APBA1: variants seen among roughly 807,000 people sequenced by gnomAD.
The protein encoded by APBA1 is amyloid beta precursor protein binding family A member 1.
APBA1 carries 55 observed loss-of-function variants against 86.6 expected under a neutral mutation model. The observed-to-expected ratio is 0.64, with a 90% CI of 0.51 to 0.80. The LOEUF is 0.80. Among genes scored for constraint, APBA1 ranks in the 30% least tolerant of loss-of-function variants. APBA1 has a pLI of 0.00. For missense variants in APBA1, 1,090 were observed against 1,183.0 expected (o/e 0.92, Z 1.15); for synonymous variants, 511 against 493.9 (o/e 1.03, Z -0.46).
At chr9:69,590,811 T>C (rs1223570209) in intron 1 of APBA1, among the ~76,000 whole-genome samples, 4 of 152,144 alleles carry the variant, frequency 2.6e-5, no homozygotes. Context: ...CATGGCTGGG[T>C]ACCCAGCAAC....
intron 1 of APBA1, among the ~76,000 whole-genome samples, chr9:69,600,031 C>G (rs913430431): frequency 6.6e-6 from 1 of 152,242 alleles, no homozygotes; most frequent in South Asian, 2.1e-4. Flanking sequence ...GCTGCCCACA[C>G]TAACTTGCTG....
intron 10 of APBA1, among the ~76,000 whole-genome samples, chr9:69,448,895 C>T (rs1834955912): frequency 6.6e-6 from 1 of 152,220 alleles, no homozygotes; most frequent in Middle Eastern, 3.2e-3. Flanking sequence ...CAAAAAACTC[C>T]ACATGAATGC....
chr9:69,476,173 G>C (rs201454890), intron 2 of APBA1, 30 bp from the exon 3 acceptor site: 2 of 1,527,150 alleles, frequency 1.3e-6, no homozygotes, highest in Admixed American at 1.7e-5. Context: ...AACACAGTGA[G>C]AACTTGAGAG....
At chr9:69,618,059 G>A (rs761961696) in intron 1 of APBA1, among the ~76,000 whole-genome samples, 1 of 152,186 alleles carries the variant, frequency 6.6e-6, no homozygotes, top group Non-Finnish European at 1.5e-5. Flanking sequence ...GGAATACTGT[G>A]TAGGAACAGT....
chr9:69,577,326 C>T (rs1389935547), intron 1 of APBA1, among the ~76,000 whole-genome samples: 1 of 152,158 alleles, frequency 6.6e-6, no homozygotes, highest in East Asian at 1.9e-4. Flanking sequence ...GGTGCATAGA[C>T]ATGGCAACAG....
chr9:69,589,440 T>C (rs1822085198), intron 1 of APBA1, among the ~76,000 whole-genome samples: 2 of 152,214 alleles, frequency 1.3e-5, no homozygotes, highest in Non-Finnish European at 2.9e-5. Context: ...AAGGGGTTTC[T>C]GACCCATGGG....
chr9:69,446,239 T>C (rs1427674315), intron 10 of APBA1, among the ~76,000 whole-genome samples: 1 of 152,118 alleles, frequency 6.6e-6, no homozygotes, highest in East Asian at 1.9e-4. Context: ...CTGGCTGTTA[T>C]CAGTGGTTAC....
chr9:69,515,702 G>A (rs1400592922), intron 2 of APBA1, among the ~76,000 whole-genome samples: 2 of 107,566 alleles, frequency 1.9e-5, no homozygotes, highest in African/African-American at 7.4e-5. Flanking sequence ...GGGGGGGGGG[G>A]GGCGGGGGGT....
chr9:69,542,414 T>C (rs1836628553), intron 1 of APBA1, among the ~76,000 whole-genome samples: 1 of 152,262 alleles, frequency 6.6e-6, no homozygotes, highest in African/African-American at 2.4e-5. Flanking sequence ...CTTAGTAATG[T>C]GCATTTAAAA....
chr9:69,560,450 T>C (rs975646825), intron 1 of APBA1, among the ~76,000 whole-genome samples: 29 of 152,166 alleles, frequency 1.9e-4, no homozygotes, highest in Admixed American at 1.4e-3. Context: ...TGGATTTGAA[T>C]CACTGCTTCA....
At chr9:69,442,177 C>A (rs893794597) in intron 10 of APBA1, among the ~76,000 whole-genome samples, 3 of 152,200 alleles carry the variant, frequency 2.0e-5, no homozygotes, top group African/African-American at 7.2e-5. Flanking sequence ...TGTGCCTCAA[C>A]AAACTCCTCA....
intron 1 of APBA1, among the ~76,000 whole-genome samples, chr9:69,536,609 G>A (rs1483781977): frequency 1.3e-5 from 2 of 148,922 alleles, no homozygotes; most frequent in Admixed American, 6.8e-5. Context: ...GCTCATGCCT[G>A]TAATCCCAGC....
chr9:69,516,157 C>T lies in APBA1; in HGVS notation c.1054G>A (p.Asp352Asn), dbSNP rs1836139215. Residue 352 changes from aspartate (D) to asparagine (N), a missense_variant, in exon 2 of 13, where the codon GAC (aspartate) becomes AAC (asparagine). By Grantham distance (23) the Asp-to-Asn change is conservative. Transcript: ENST00000265381. The surrounding 1 kb of genome is among the most constrained non-coding windows in gnomAD (Gnocchi z 7.3). ...KRDAISLAIK[D>N]IKEAIEEVKT... ...ACCTCCTCGATGGCCTCCTTGATGT[C>T]CTTGATGGCCAGCGAGATGGCATCG... 12 of 1,612,330 alleles carry T rather than the reference C, an allele frequency of 7.4e-6. No individual in the cohort carries two copies. Among genetic ancestry groups the T allele is most frequent in the Non-Finnish European group, 1.0e-5 (12 of 1,179,186 alleles).
chr9:69,548,742 C>T (rs1168649997), intron 1 of APBA1, among the ~76,000 whole-genome samples: 1 of 152,192 alleles, frequency 6.6e-6, no homozygotes, highest in African/African-American at 2.4e-5. Flanking sequence ...TCACACATGC[C>T]CTCAGGGCTG....
At chr9:69,545,932 A>T (rs1463786702) in intron 1 of APBA1, among the ~76,000 whole-genome samples, 1 of 152,244 alleles carries the variant, frequency 6.6e-6, no homozygotes, top group Non-Finnish European at 1.5e-5. Flanking sequence ...ACCTCTTCAA[A>T]GAAAGAGGGG....
chr9:69,476,702 T>C (rs1020996832), intron 2 of APBA1, among the ~76,000 whole-genome samples: 1 of 152,210 alleles, frequency 6.6e-6, no homozygotes, highest in Non-Finnish European at 1.5e-5. Flanking sequence ...TCAGAGACAT[T>C]TCAGCATTTT....
Position 69,428,388 on chromosome 9 carries a change from T to C in APBA1, c.*2939A>G, listed in dbSNP as rs1834526109. The C allele has an allele frequency of 1.3e-5, 2 of 152,420 alleles. No individual in the cohort carries two copies. Among genetic ancestry groups the C allele is most frequent in the South Asian group, 4.2e-4 (2 of 4,816 alleles). The allele number at this position is 152,420 out of a possible 1,614,324, so 9.4% of individuals were successfully genotyped here. On this transcript the variant is annotated 3_prime_UTR_variant, in exon 13 of 13. Coordinates refer to ENST00000265381, the MANE Select transcript of APBA1 (RefSeq NM_001163.4). The stretch of plus-strand genomic sequence containing the variant: ...TCGCTGGAGAAGTGGGCTCCAGGCA[T>C]TGGTCTTTGGGGGTTTCTTCCTCTC...
chr9:69,665,036 T>C (rs1419910147), intron 1 of APBA1, among the ~76,000 whole-genome samples: 1 of 152,228 alleles, frequency 6.6e-6, no homozygotes, highest in African/African-American at 2.4e-5. Context: ...AGTTTCCCAC[T>C]TCCACCTGGC....
chr9:69,481,355 G>A (rs888875224), intron 2 of APBA1, among the ~76,000 whole-genome samples: 19 of 152,088 alleles, frequency 1.2e-4, no homozygotes, highest in Middle Eastern at 6.8e-3. Flanking sequence ...AATCATGAGC[G>A]AACTCCCATT....
Sources: allele counts gnomAD v4.1 joint callset (sites outside exome capture counted in the v4.1 genomes callset), GRCh38; gene constraint gnomAD v4.1.1; non-coding constraint Gnocchi (gnomAD v3.1); transcripts MANE v1.5; gene names NCBI Gene and HGNC (gene_info 2026-07-23, HGNC 2026-07-21).